CSMD1: variants seen among roughly 807,000 people sequenced by gnomAD.
CSMD1 encodes CUB and sushi domain-containing protein 1.
A neutral mutation model predicts 417.5 loss-of-function variants in CSMD1; 213 were observed. The observed-to-expected ratio is 0.51, with a 90% CI of 0.46 to 0.57. The LOEUF (loss-of-function observed/expected upper bound fraction) is 0.57. Ranked by LOEUF, CSMD1 falls within the 20% of genes least tolerant of loss-of-function variation. CSMD1 has a pLI of 0.00. For synonymous variants in CSMD1, 2,862 were observed against 1,736.8 expected (o/e 1.65, Z -16.11); for missense variants, 6,923 against 4,529.7 (o/e 1.53, Z -15.17).
rs1044970054 is a variant in CSMD1, at chr8:2,987,623, T to C, written c.8378-8823A>G. Among the ~76,000 whole-genome samples, 8 of 152,280 alleles carry C rather than the reference T, an allele frequency of 5.3e-5. No homozygotes were observed. The East Asian group carries it at 7.7e-4, about 15-fold the overall frequency. ...GGAATGTACACTGCATTATGAGAAA[T>C]GAACACATGACTTTTAAGTTAACAT... On this transcript the variant is annotated intron_variant, in intron 54 of 69. Coordinates refer to ENST00000635120, the MANE Select transcript of CSMD1 (RefSeq NM_033225.6).
intron 1 of CSMD1, among the ~76,000 whole-genome samples, chr8:4,767,446 G>A (rs189423753): frequency 1.1e-3 from 164 of 152,078 alleles, no homozygotes; most frequent in African/African-American, 3.3e-3. Flanking sequence ...GACCAATCCC[G>A]CACATAGCTC....
At chr8:4,879,331 A>G (rs755897083) in intron 1 of CSMD1, among the ~76,000 whole-genome samples, 6 of 152,050 alleles carry the variant, frequency 3.9e-5, no homozygotes, top group Non-Finnish European at 7.4e-5. Context: ...ATATAGGATT[A>G]GGAAGTTAGG....
chr8:3,052,692 A>G, intron 49 of CSMD1, 45 bp from the exon 50 acceptor site: 1 of 1,377,592 alleles, frequency 7.3e-7, no homozygotes, highest in Non-Finnish European at 9.7e-7. Flanking sequence ...TACAGAAATT[A>G]TTTTCCAGCT....
At chr8:4,157,551 G>A (rs1261397491) in intron 3 of CSMD1, among the ~76,000 whole-genome samples, 12 of 152,112 alleles carry the variant, frequency 7.9e-5, no homozygotes, top group Admixed American at 7.9e-4. Flanking sequence ...GTCAATGACT[G>A]TGTTGTCATT....
intron 52 of CSMD1, among the ~76,000 whole-genome samples, chr8:3,002,054 T>A (rs1297135764): frequency 1.3e-5 from 2 of 152,184 alleles, no homozygotes; most frequent in Non-Finnish European, 2.9e-5. Context: ...TAGAAGAGAT[T>A]AGACCACAAA....
intron 3 of CSMD1, among the ~76,000 whole-genome samples, chr8:4,159,543 G>T (rs911868639): frequency 7.2e-5 from 11 of 152,126 alleles, no homozygotes; most frequent in African/African-American, 2.4e-4. Context: ...GCCATAAAAA[G>T]CAATGAATTA....
At chr8:3,293,934 G>GT (rs879813219) in intron 25 of CSMD1, among the ~76,000 whole-genome samples, 1 of 152,102 alleles carries the variant, frequency 6.6e-6, no homozygotes, top group Non-Finnish European at 1.5e-5. Context: ...TTTCTGCTCT[G>GT]TTTTTTCCCC....
chr8:4,128,719 T>C (rs904608161), intron 3 of CSMD1, among the ~76,000 whole-genome samples: 2 of 152,096 alleles, frequency 1.3e-5, no homozygotes. Flanking sequence ...CACTCATCCT[T>C]GCTGGATACT....
Position 3,024,305 on chromosome 8 carries a change from A to T in CSMD1, c.7855+5014T>A, listed in dbSNP as rs113655487. On this transcript the variant is annotated intron_variant, in intron 51 of 69. Coordinates refer to ENST00000635120, the MANE Select transcript of CSMD1 (RefSeq NM_033225.6). ...ATTTTGAGGTTTTTTTTGGGGGGGG[A>T]GGGCAGTGGGGGAGGTTGGGGACAG... Among the ~76,000 whole-genome samples the T allele has an allele frequency of 2.6e-4, 20 of 77,452 alleles. No individual in the cohort carries two copies. The East Asian group carries it at 7.3e-3, about 28-fold the overall frequency. 50.8% of individuals were successfully genotyped at this position (77,452 alleles called of 152,430 possible). A position where few individuals can be genotyped will look rare whatever the true frequency, so the allele number is the denominator to read the frequency against.
intron 7 of CSMD1, among the ~76,000 whole-genome samples, chr8:3,675,164 T>A (rs1799309024): frequency 6.6e-6 from 1 of 152,122 alleles, no homozygotes; most frequent in Non-Finnish European, 1.5e-5. Flanking sequence ...TCTCCACATG[T>A]CTTTCCCCAC....
intron 26 of CSMD1, among the ~76,000 whole-genome samples, chr8:3,250,978 A>C (rs1452400928): frequency 6.6e-6 from 1 of 152,028 alleles, no homozygotes; most frequent in African/African-American, 2.4e-5. Flanking sequence ...TTGTCAGATG[A>C]GTAGATTGTG....
intron 50 of CSMD1, among the ~76,000 whole-genome samples, chr8:3,046,492 C>A (rs193021737): frequency 6.6e-6 from 1 of 152,074 alleles, no homozygotes; most frequent in Non-Finnish European, 1.5e-5. Context: ...GCTAACAGTG[C>A]GCTCAAATCA....
intron 3 of CSMD1, among the ~76,000 whole-genome samples, chr8:4,258,567 G>C (rs1314198259): frequency 6.7e-6 from 1 of 149,982 alleles, no homozygotes; most frequent in African/African-American, 2.4e-5. Flanking sequence ...GGGAGGGAGG[G>C]AAGAATGGAA....
At chr8:3,723,903 T>G (rs949331065) in intron 6 of CSMD1, among the ~76,000 whole-genome samples, 8 of 152,230 alleles carry the variant, frequency 5.3e-5, no homozygotes, top group Non-Finnish European at 7.3e-5. Flanking sequence ...AAAAGTTGAC[T>G]TATATGGATG....
At chr8:3,236,861 T>A (rs990385102) in intron 26 of CSMD1, among the ~76,000 whole-genome samples, 1 of 152,186 alleles carries the variant, frequency 6.6e-6, no homozygotes, top group Non-Finnish European at 1.5e-5. Context: ...AAGGCAGCGC[T>A]GTTCCTGAGA....
chr8:3,916,959 A>G (rs978851712), intron 5 of CSMD1, among the ~76,000 whole-genome samples: 13 of 152,072 alleles, frequency 8.5e-5, no homozygotes, highest in Admixed American at 1.3e-4. Context: ...TTCTCCTCCA[A>G]TTTATTATTT....
intron 3 of CSMD1, among the ~76,000 whole-genome samples, chr8:4,206,597 T>G (rs1380090781): frequency 6.6e-6 from 1 of 152,220 alleles, no homozygotes; most frequent in Non-Finnish European, 1.5e-5. Flanking sequence ...GATGGACATC[T>G]GGGTTGGTTC....
chr8:3,902,907 T>C lies in CSMD1; in HGVS notation c.818+94996A>G, dbSNP rs147063376. On this transcript the variant is annotated intron_variant, in intron 5 of 69. Coordinates refer to ENST00000635120, the MANE Select transcript of CSMD1 (RefSeq NM_033225.6). ...TAACAGCCATTGATCATCCTGATCTTAACCACTTATCTCTTTCTCCAGTTT... is the reference window on the plus strand; with the variant it reads ...TAACAGCCATTGATCATCCTGATCTCAACCACTTATCTCTTTCTCCAGTTT... Among the ~76,000 whole-genome samples the C allele has an allele frequency of 6.6e-4, 100 of 152,336 alleles. No individual in the cohort carries two copies. The East Asian group carries it at 0.015, about 23-fold the overall frequency.
chr8:3,275,716 C>T (rs571472278), intron 26 of CSMD1, among the ~76,000 whole-genome samples: 35 of 152,178 alleles, frequency 2.3e-4, no homozygotes, highest in South Asian at 6.2e-4. Context: ...TCCAGTTGAT[C>T]GCATCGGCTC....
Sources: gnomAD v4.1 joint callset for allele counts (sites outside exome capture counted in the v4.1 genomes callset) on GRCh38, gnomAD v4.1.1 for gene constraint, MANE v1.5 for transcripts, NCBI Gene and HGNC (gene_info 2026-07-23, HGNC 2026-07-21) for gene names.